PRKCA: variants seen among roughly 807,000 people sequenced by gnomAD.
PRKCA encodes protein kinase C alpha.
A neutral mutation model predicts 87.0 loss-of-function variants in PRKCA; 27 were observed. That is an observed-to-expected ratio of 0.31 (90% CI 0.23 to 0.43). The LOEUF is 0.43. PRKCA is among the 20% of genes least tolerant of loss of function. The pLI is 1.00. For synonymous variants in PRKCA, 329 were observed against 311.1 expected (o/e 1.06, Z -0.61); for missense variants, 518 against 852.3 (o/e 0.61, Z 4.88).
Position 66,804,975 on chromosome 17 carries a change from A to G in PRKCA, c.*938A>G, listed in dbSNP as rs904974318. On this transcript the variant is annotated 3_prime_UTR_variant, in exon 17 of 17. Coordinates refer to ENST00000413366, the MANE Select transcript of PRKCA (RefSeq NM_002737.3). ...TATCCTTCTCAAGAAGCTGAAGTGT[A>G]CGCCCTCTCCCCTTTTGTGCTTATT... 9.1e-6 allele frequency: 9 copies of G among 984,600 alleles called. No homozygotes were observed. In the African/African-American group the frequency reaches 1.4e-4, roughly 15 times the overall value. The allele number at this position is 984,600 out of a possible 1,614,324, so 61.0% of individuals were successfully genotyped here. A position where few individuals can be genotyped will look rare whatever the true frequency, so the allele number is the denominator to read the frequency against.
rs1278218831 is a variant in PRKCA at position 66,532,374 on chromosome 17, A to AT, written c.288+36100dup. ...TCCTTGAATTTTATTTTATTTTTTT[A>AT]TTTTTTTTTGAGACAGAGTCTTGCT... On this transcript the variant is annotated intron_variant, in intron 3 of 16. Transcript: ENST00000413366. Among the ~76,000 whole-genome samples, 135 of 93,074 alleles carry AT rather than the reference A, an allele frequency of 1.5e-3. No homozygotes were observed. In the East Asian group the frequency reaches 0.015, roughly 10 times the overall value. The allele number at this position is 93,074 out of a possible 152,430, so 61.1% of individuals were successfully genotyped here.
rs57292153 is a variant in PRKCA, at chr17:66,347,941, C to CTTTTT, written c.205+41829_205+41833dup. ...AGAATATTTACTCAGAATTCTGAAC[C>CTTTTT]TTTTTTTTTTTTTTTTTTTGAGACA... is the stretch of plus-strand genomic sequence containing the variant. On this transcript the variant is annotated intron_variant, in intron 2 of 16. Transcript: ENST00000413366. 8.3e-3 allele frequency among the ~76,000 whole-genome samples: 469 copies of CTTTTT among 56,414 alleles called. 56 individuals carry two copies. The highest frequency in any genetic ancestry group is 0.025 in the African/African-American group (439 of 17,608). The allele number at this position is 56,414 out of a possible 152,430, so 37.0% of individuals were successfully genotyped here. A position where few individuals can be genotyped will look rare whatever the true frequency, so the allele number is the denominator to read the frequency against.
At chr17:66,687,331 T>G in intron 6 of PRKCA, 64 bp downstream of exon 6, 1 of 1,509,056 alleles carries the variant, frequency 6.6e-7, no homozygotes, top group Non-Finnish European at 9.0e-7. Flanking sequence ...ACCTCATTAT[T>G]TGAGGTAATG....
intron 3 of PRKCA, among the ~76,000 whole-genome samples, chr17:66,557,259 CAG>C (rs1347254756): frequency 1.3e-5 from 2 of 152,004 alleles, no homozygotes; most frequent in Non-Finnish European, 2.9e-5. Context: ...ATGAATTATT[CAG>C]AGACTTCTCT....
At chr17:66,513,575 T>C (rs547393841) in intron 3 of PRKCA, among the ~76,000 whole-genome samples, 2 of 152,370 alleles carry the variant, frequency 1.3e-5, no homozygotes, top group East Asian at 3.9e-4. Context: ...GATCCTAACC[T>C]TGAATATTAT....
In PRKCA at chr17:66,459,122, T is replaced by C. The variant is rs1183821934; in HGVS notation, c.206-37079T>C. On this transcript the variant is annotated intron_variant, in intron 2 of 16. Coordinates refer to ENST00000413366, the MANE Select transcript of PRKCA (RefSeq NM_002737.3). ...GCACACTGGCTTACGCCTGTAATCC[T>C]AACACTTTGGGAGATTGAGGTGGGT... Among the ~76,000 whole-genome samples, 9 of 151,142 alleles carry C rather than the reference T, an allele frequency of 6.0e-5. No individual in the cohort carries two copies. In the South Asian group the frequency reaches 1.9e-3, roughly 32 times the overall value.
At chr17:66,311,952 A>G (rs1291353652) in intron 2 of PRKCA, among the ~76,000 whole-genome samples, 1 of 152,098 alleles carries the variant, frequency 6.6e-6, no homozygotes, top group Non-Finnish European at 1.5e-5. Context: ...TTTTGCAGAT[A>G]AATCTGATGT....
At chr17:66,536,751 G>A (rs967858471) in intron 3 of PRKCA, among the ~76,000 whole-genome samples, 1 of 152,198 alleles carries the variant, frequency 6.6e-6, no homozygotes, top group African/African-American at 2.4e-5. Flanking sequence ...TTCTCCCGTG[G>A]GAATTGCAGT....
chr17:66,566,009 A>C (rs888502673), intron 3 of PRKCA, among the ~76,000 whole-genome samples: 3 of 152,274 alleles, frequency 2.0e-5, no homozygotes, highest in Middle Eastern at 6.8e-3. Flanking sequence ...CACACCTGCC[A>C]GCTGTTTGTG....
chr17:66,531,059 G>C (rs553304512), intron 3 of PRKCA, among the ~76,000 whole-genome samples: 1 of 152,104 alleles, frequency 6.6e-6, no homozygotes, highest in East Asian at 1.9e-4. Flanking sequence ...TTAGATTTTT[G>C]TTGGCAATTA....
chr17:66,731,982 G>T (rs1423722516), intron 8 of PRKCA, among the ~76,000 whole-genome samples: 1 of 151,262 alleles, frequency 6.6e-6, no homozygotes, highest in African/African-American at 2.4e-5. Flanking sequence ...TAGAGACGGG[G>T]TTTCACCATG....
In PRKCA at chr17:66,792,971, C is replaced by T. The variant is rs1440296275; in HGVS notation, c.1854+3992C>T. Among the ~76,000 whole-genome samples the T allele has an allele frequency of 3.9e-5, 6 of 152,164 alleles. No homozygotes were observed. The highest frequency in any genetic ancestry group is 6.5e-5 in the Admixed American group (1 of 15,284). ...TCCCTAAAAAGCTACCATGTGCCAC[C>T]GTGAAGATGATGATTTTCTGGAAGA... On this transcript the variant is annotated intron_variant, in intron 16 of 16. Transcript: ENST00000413366. The surrounding 1 kb of genome is among the most constrained non-coding windows in gnomAD (Gnocchi z 4.5).
chr17:66,739,635 C>T (rs1054842478), intron 11 of PRKCA, among the ~76,000 whole-genome samples: 19 of 152,216 alleles, frequency 1.2e-4, no homozygotes, highest in African/African-American at 4.1e-4. Flanking sequence ...TGCAACCCCA[C>T]GAAATGACCG....
At chr17:66,570,645 G>C (rs532984893) in intron 3 of PRKCA, among the ~76,000 whole-genome samples, 1 of 151,986 alleles carries the variant, frequency 6.6e-6, no homozygotes, top group African/African-American at 2.4e-5. Flanking sequence ...GCTCTTTTTC[G>C]GGCTTTTCTG....
chr17:66,367,593 A>T (rs1034833484), intron 2 of PRKCA, among the ~76,000 whole-genome samples: 5 of 152,210 alleles, frequency 3.3e-5, no homozygotes, highest in African/African-American at 1.2e-4. Context: ...GATGGTCTTG[A>T]TAGTAAATGG....
chr17:66,774,298 G>A, intron 14 of PRKCA: 1 of 1,366,448 alleles, frequency 7.3e-7, no homozygotes, highest in Non-Finnish European at 9.5e-7. Flanking sequence ...ACAACCTGGA[G>A]TGTAGACAGT....
chr17:66,310,207 ATT>A lies in PRKCA; in HGVS notation c.205+4094_205+4095del, dbSNP rs11361111. On this transcript the variant is annotated intron_variant, in intron 2 of 16. Transcript: ENST00000413366. Reference sequence around the variant, plus strand: ...GCCTAACCTCCACTTGTTTTCTCTAATTTTTTTTTTTTTTTGCTATTCTTTGT... The same window carrying A: ...GCCTAACCTCCACTTGTTTTCTCTAATTTTTTTTTTTTTGCTATTCTTTGT... Among the ~76,000 whole-genome samples the A allele has an allele frequency of 4.7e-4, 68 of 145,346 alleles. 1 individual carries two copies. In the East Asian group the frequency reaches 4.8e-3, roughly 10 times the overall value.
intron 2 of PRKCA, among the ~76,000 whole-genome samples, chr17:66,471,150 A>G (rs1398582776): frequency 6.6e-6 from 1 of 152,150 alleles, no homozygotes; most frequent in Non-Finnish European, 1.5e-5. Flanking sequence ...TTGATGACCT[A>G]ATATTGCATT....
intron 2 of PRKCA, among the ~76,000 whole-genome samples, chr17:66,369,568 A>C (rs1475679136): frequency 6.6e-6 from 1 of 152,166 alleles, no homozygotes; most frequent in Non-Finnish European, 1.5e-5. Flanking sequence ...GGATGCCTTG[A>C]GGTACTTATT....
Sources: gnomAD v4.1 joint callset for allele counts (sites outside exome capture counted in the v4.1 genomes callset) on GRCh38, gnomAD v4.1.1 for gene constraint, Gnocchi (gnomAD v3.1) non-coding constraint, MANE v1.5 for transcripts, NCBI Gene and HGNC (gene_info 2026-07-23, HGNC 2026-07-21) for gene names.